NALCN: variants seen among roughly 807,000 people sequenced by gnomAD.
NALCN encodes sodium leak channel NALCN.
Under a neutral mutation model 225.3 loss-of-function variants are expected in NALCN, and 111 were observed. The ratio of observed to expected loss-of-function variants is 0.49; its 90% CI spans 0.42 to 0.58. The LOEUF is 0.58. Ranked by LOEUF, NALCN falls within the 20% of genes least tolerant of loss-of-function variation. NALCN has a pLI of 0.00. For synonymous variants in NALCN, 764 were observed against 769.0 expected, an observed-to-expected ratio of 0.99 and a Z score of 0.11; for missense variants, 1,378 against 2,202.4, an observed-to-expected ratio of 0.63 and a Z score of 7.49.
At chr13:101,093,513 T>A (rs2034343814) in intron 28 of NALCN, among the ~76,000 whole-genome samples, 1 of 152,228 alleles carries the variant, frequency 6.6e-6, no homozygotes, top group Non-Finnish European at 1.5e-5. Flanking sequence ...ACAAGAGCAC[T>A]TGTGATGATG....
At chr13:101,371,094 T>C (rs936878357) in intron 6 of NALCN, among the ~76,000 whole-genome samples, 9 of 152,324 alleles carry the variant, frequency 5.9e-5, no homozygotes, top group African/African-American at 2.2e-4. Flanking sequence ...TAGTTCATTA[T>C]TTATTATTAT....
chr13:101,304,642 T>C (rs983633727), intron 7 of NALCN, among the ~76,000 whole-genome samples: 1 of 152,188 alleles, frequency 6.6e-6, no homozygotes, highest in Non-Finnish European at 1.5e-5. Flanking sequence ...TTCGCCATGT[T>C]GCTCAGGCTG....
intron 7 of NALCN, among the ~76,000 whole-genome samples, chr13:101,321,473 A>T (rs2044744955): frequency 6.6e-6 from 1 of 152,214 alleles, no homozygotes; most frequent in East Asian, 1.9e-4. Flanking sequence ...GAAAACAGAT[A>T]CATTCTTAGT....
At chr13:101,365,534 A>G (rs1020152243) in intron 6 of NALCN, among the ~76,000 whole-genome samples, 2 of 152,036 alleles carry the variant, frequency 1.3e-5, no homozygotes, top group African/African-American at 4.8e-5. Flanking sequence ...TATTTATTTT[A>G]ATAAATGTAA....
chr13:101,135,022 G>C (rs1357905866), intron 17 of NALCN, among the ~76,000 whole-genome samples: 1 of 152,044 alleles, frequency 6.6e-6, no homozygotes, highest in Admixed American at 6.6e-5. Flanking sequence ...GTGAAACCCT[G>C]TCTCTACTAA....
intron 7 of NALCN, among the ~76,000 whole-genome samples, chr13:101,310,693 CT>C (rs1344890436): frequency 1.3e-5 from 2 of 152,042 alleles, no homozygotes; most frequent in African/African-American, 4.8e-5. Flanking sequence ...GATTTTTTCT[CT>C]GTTTTTCACT....
intron 7 of NALCN, among the ~76,000 whole-genome samples, chr13:101,341,257 A>T (rs2045550592): frequency 6.6e-6 from 1 of 152,190 alleles, no homozygotes; most frequent in African/African-American, 2.4e-5. Flanking sequence ...GATTTCATGC[A>T]AAATATAGTC....
chr13:101,336,884 C>T (rs2045395075), intron 7 of NALCN, among the ~76,000 whole-genome samples: 1 of 152,154 alleles, frequency 6.6e-6, no homozygotes, highest in Non-Finnish European at 1.5e-5. Context: ...CATGCCTTAT[C>T]ACGGCATTTT....
chr13:101,313,825 G>T lies in NALCN; in HGVS notation c.800-21459C>A, dbSNP rs532637100. On this transcript the variant is annotated intron_variant, in intron 7 of 43. Transcript: ENST00000251127. Reference sequence around the variant, plus strand: ...CCCATTACTGGGTATATACCCAAAGGATTATAAATCATGCTGCTATAAAGA... The same window carrying T: ...CCCATTACTGGGTATATACCCAAAGTATTATAAATCATGCTGCTATAAAGA... Among the ~76,000 whole-genome samples, 29 of 152,186 alleles carry T rather than the reference G, an allele frequency of 1.9e-4. No homozygotes were observed. The South Asian group carries it at 5.8e-3, about 31-fold the overall frequency.
At position 101,243,932 on chromosome 13, in the gene NALCN, G is replaced by A. The variant is rs533676480; in HGVS notation, c.1267-6010C>T. On this transcript the variant is annotated intron_variant, in intron 11 of 43. Transcript: ENST00000251127. ...ACTCAGACTTTGCTGCAAGTCCTGC[G>A]ACAGGTACTTCCTCTCTAGCACAGG... 6.6e-5 allele frequency among the ~76,000 whole-genome samples: 7 copies of A among 105,868 alleles called. 1 individual carries two copies. The highest frequency in any genetic ancestry group is 2.0e-4 in the African/African-American group (6 of 29,472). 69.5% of individuals were successfully genotyped at this position (105,868 alleles called of 152,430 possible).
At chr13:101,209,732 G>A (rs753607119) in intron 13 of NALCN, among the ~76,000 whole-genome samples, 3 of 152,074 alleles carry the variant, frequency 2.0e-5, no homozygotes, top group South Asian at 2.1e-4. Context: ...TTCATTTGCT[G>A]TACCTTTGCA....
intron 6 of NALCN, among the ~76,000 whole-genome samples, chr13:101,357,148 A>C (rs969547581): frequency 2.0e-5 from 3 of 152,184 alleles, no homozygotes; most frequent in African/African-American, 7.2e-5. Context: ...GCCCTCTCTC[A>C]CCACTCCTAT....
At chr13:101,203,706 T>C (rs1225103088) in intron 13 of NALCN, among the ~76,000 whole-genome samples, 3 of 152,220 alleles carry the variant, frequency 2.0e-5, no homozygotes, top group Non-Finnish European at 4.4e-5. Flanking sequence ...ACACGATACA[T>C]ATCTTCCAGC....
At chr13:101,290,092 G>A (rs1006185102) in intron 9 of NALCN, among the ~76,000 whole-genome samples, 2 of 152,118 alleles carry the variant, frequency 1.3e-5, no homozygotes, top group Non-Finnish European at 2.9e-5. Flanking sequence ...ATATCTAGAC[G>A]CATTACCTCT....
chr13:101,081,251 G>A (rs970207677), intron 34 of NALCN, among the ~76,000 whole-genome samples: 3 of 152,156 alleles, frequency 2.0e-5, no homozygotes, highest in East Asian at 3.9e-4. Context: ...AAAATGAGGG[G>A]CTAAACCAGA....
At chr13:101,258,720 C>T in intron 10 of NALCN, 146 bp from the exon 11 acceptor site, 1 of 1,106,030 alleles carries the variant, frequency 9.0e-7, no homozygotes, top group Non-Finnish European at 1.3e-6. Flanking sequence ...ATGTCCCACA[C>T]TGCTGAACTG....
chr13:101,126,963 G>T (rs1014645166), intron 17 of NALCN, among the ~76,000 whole-genome samples: 2 of 152,146 alleles, frequency 1.3e-5, no homozygotes, highest in Non-Finnish European at 2.9e-5. Context: ...ACAGACCCAG[G>T]CACAGAGGTC....
At chr13:101,316,291 C>G (rs1399481269) in intron 7 of NALCN, among the ~76,000 whole-genome samples, 2 of 152,168 alleles carry the variant, frequency 1.3e-5, no homozygotes, top group Non-Finnish European at 1.5e-5. Flanking sequence ...TAATCCCTCT[C>G]AGTTCGATCA....
chr13:101,154,973 TA>T (rs2037834592), intron 15 of NALCN, among the ~76,000 whole-genome samples: 1 of 152,112 alleles, frequency 6.6e-6, no homozygotes, highest in African/African-American at 2.4e-5. Context: ...AAAAGAATAA[TA>T]AAGTATAAAC....
Sources: allele counts gnomAD v4.1 joint callset (sites outside exome capture counted in the v4.1 genomes callset), GRCh38; gene constraint gnomAD v4.1.1; transcripts MANE v1.5; gene names NCBI Gene and HGNC (gene_info 2026-07-23, HGNC 2026-07-21).